STOX2: variants seen among roughly 807,000 people sequenced by gnomAD.
STOX2 encodes storkhead box 2, also known as storkhead-box protein 2.
STOX2 carries 28 observed loss-of-function variants against 60.9 expected under a neutral mutation model. That is an observed-to-expected ratio of 0.46 (90% CI 0.34 to 0.63). The LOEUF is 0.63. Among genes scored for constraint, STOX2 ranks in the 30% least tolerant of loss-of-function variants. The pLI, the probability that STOX2 is intolerant of heterozygous loss-of-function variation, is 0.01. For missense variants in STOX2, 1,024 were observed against 1,187.7 expected, an observed-to-expected ratio of 0.86 and a Z score of 2.03; for synonymous variants, 472 against 463.9, an observed-to-expected ratio of 1.02 and a Z score of -0.22.
chr4:183,866,981 G>T (rs550114808), intron 1 of STOX2, among the ~76,000 whole-genome samples: 1 of 152,192 alleles, frequency 6.6e-6, no homozygotes, highest in South Asian at 2.1e-4. Flanking sequence ...TTGATACTCC[G>T]TGATACAAAT....
chr4:183,999,124 T>A (rs1302003363), intron 1 of STOX2, among the ~76,000 whole-genome samples: 1 of 152,088 alleles, frequency 6.6e-6, no homozygotes, highest in Non-Finnish European at 1.5e-5. Context: ...AAAAAGGATA[T>A]GACAAATCTT....
At chr4:183,889,359 A>G (rs1477710460) in intron 1 of STOX2, among the ~76,000 whole-genome samples, 1 of 152,144 alleles carries the variant, frequency 6.6e-6, no homozygotes, top group Non-Finnish European at 1.5e-5. Flanking sequence ...AAGGAATGCC[A>G]GAGGTCACCA....
intron 1 of STOX2, among the ~76,000 whole-genome samples, chr4:183,871,730 C>G (rs193192242): frequency 1.3e-5 from 2 of 152,104 alleles, no homozygotes; most frequent in East Asian, 3.9e-4. Flanking sequence ...CTTGTAACTA[C>G]CACCTCAGGC....
At chr4:183,901,220 C>T (rs1741451904), upstream of STOX2, among the ~76,000 whole-genome samples, 1 of 152,154 alleles carries the variant, frequency 6.6e-6, no homozygotes, top group African/African-American at 2.4e-5. Context: ...AGGTTCATCC[C>T]TGTTGTAGCA....
chr4:183,808,854 A>G (rs1738970626), intron 1 of STOX2, among the ~76,000 whole-genome samples: 1 of 152,170 alleles, frequency 6.6e-6, no homozygotes, highest in African/African-American at 2.4e-5. Flanking sequence ...GTCTTGGGCT[A>G]CACATAAAAT....
chr4:183,862,673 G>A (rs1560851976), intron 1 of STOX2, among the ~76,000 whole-genome samples: 1 of 152,332 alleles, frequency 6.6e-6, no homozygotes, highest in South Asian at 2.1e-4. Flanking sequence ...TGCGAGAGTC[G>A]GCAGGGTTTA....
chr4:183,814,640 C>A (rs953877174), intron 1 of STOX2, among the ~76,000 whole-genome samples: 1 of 152,208 alleles, frequency 6.6e-6, no homozygotes, highest in Admixed American at 6.5e-5. Context: ...CAAATACATG[C>A]CCCGTGGCCC....
chr4:183,950,854 A>T (rs1217433343), intron 1 of STOX2, among the ~76,000 whole-genome samples: 1 of 152,108 alleles, frequency 6.6e-6, no homozygotes, highest in African/African-American at 2.4e-5. Context: ...GGAGTTAGGG[A>T]TGTTCACTGG....
intron 1 of STOX2, among the ~76,000 whole-genome samples, chr4:183,815,952 T>A (rs866877503): frequency 1.3e-5 from 2 of 152,198 alleles, no homozygotes; most frequent in Admixed American, 6.5e-5. Context: ...TGATAAAAAA[T>A]CTTGCATACG....
At chr4:183,862,900 A>T (rs920362910) in intron 1 of STOX2, among the ~76,000 whole-genome samples, 2 of 152,120 alleles carry the variant, frequency 1.3e-5, no homozygotes, top group Non-Finnish European at 2.9e-5. Context: ...CCTACAAGGA[A>T]GGCGTGGTTA....
rs1734177258 is a variant in STOX2 at position 184,011,578 on chromosome 4, C to CTT, written c.2585+159_2585+160dup. ...ATTGTTAACAATCTGTTTCTGACTT[C>CTT]TTTTTCAGGAATTGAAAAAAATGTT... On this transcript the variant is annotated intron_variant, in intron 3 of 3. Coordinates refer to ENST00000308497, the MANE Select transcript of STOX2 (RefSeq NM_020225.3). This position sits in a 1 kb window ranked among gnomAD's most constrained non-coding sequence, Gnocchi z 4.4. 1 of 1,539,512 alleles carries CTT rather than the reference C, an allele frequency of 6.5e-7. No homozygotes were observed. The highest frequency in any genetic ancestry group is 1.4e-5 in the African/African-American group (1 of 73,070).
chr4:183,911,044 C>T (rs576790293), intron 1 of STOX2, among the ~76,000 whole-genome samples: 28 of 152,278 alleles, frequency 1.8e-4, no homozygotes, highest in African/African-American at 6.5e-4. Context: ...TATGACCTCC[C>T]TCCATCTGTA....
chr4:183,928,756 G>C (rs538129383), intron 1 of STOX2, among the ~76,000 whole-genome samples: 2 of 150,026 alleles, frequency 1.3e-5, no homozygotes, highest in African/African-American at 4.9e-5. Context: ...AGTGAGCCGA[G>C]ATCACACCAC....
In STOX2 at chr4:183,914,840, A is replaced by G. The variant is rs535006175; in HGVS notation, c.166+7884A>G. On this transcript the variant is annotated intron_variant, in intron 1 of 3. Coordinates refer to ENST00000308497, the MANE Select transcript of STOX2 (RefSeq NM_020225.3). ...TGTCCGCTTTCCTGTTCCTGAAAGTAAAGTGCCCTTTAATTCTTGGATTTG... is the reference window on the plus strand; with the variant it reads ...TGTCCGCTTTCCTGTTCCTGAAAGTGAAGTGCCCTTTAATTCTTGGATTTG... Among the ~76,000 whole-genome samples the G allele has an allele frequency of 2.0e-5, 3 of 152,304 alleles. No individual in the cohort carries two copies. In the South Asian group the frequency reaches 6.2e-4, roughly 32 times the overall value.
intron 1 of STOX2, among the ~76,000 whole-genome samples, chr4:183,933,837 G>A (rs1392471330): frequency 6.6e-6 from 1 of 152,120 alleles, no homozygotes; most frequent in Non-Finnish European, 1.5e-5. Context: ...CCCTGCAAAA[G>A]TATTTAAGAT....
chr4:183,954,954 G>T (rs900105101), intron 1 of STOX2, among the ~76,000 whole-genome samples: 1 of 152,162 alleles, frequency 6.6e-6, no homozygotes, highest in African/African-American at 2.4e-5. Context: ...GGCCAGACTG[G>T]CCTCCCAAAG....
chr4:183,875,807 G>A (rs1297702765), intron 1 of STOX2, among the ~76,000 whole-genome samples: 1 of 152,154 alleles, frequency 6.6e-6, no homozygotes. Flanking sequence ...AGCCTTGACC[G>A]CCCAGGCTCA....
rs1257007702 is a variant in STOX2, at chr4:183,905,915, A to G, written c.-876A>G. 1 of 152,174 alleles carries G rather than the reference A, an allele frequency of 6.6e-6. No homozygotes were observed. The highest frequency in any genetic ancestry group is 1.5e-5 in the Non-Finnish European group (1 of 68,044). The allele number at this position is 152,174 out of a possible 1,614,324, so 9.4% of individuals were successfully genotyped here. ...CCTCGGCCAGTAAGTAGGAGCATGC[A>G]TGTGTAGGGGGCACATGCGTGTCGG... is the stretch of plus-strand genomic sequence containing the variant. On this transcript the variant is annotated 5_prime_UTR_variant, in exon 1 of 4. It removes an upstream start codon present in the reference 5' UTR. Transcript: ENST00000308497.
At chr4:183,832,486 C>CTTTTTT (rs57764548) in intron 1 of STOX2, among the ~76,000 whole-genome samples, 1 of 74,048 alleles carries the variant, frequency 1.4e-5, no homozygotes, top group Non-Finnish European at 2.5e-5. Context: ...ATAACCGACT[C>CTTTTTT]TTTTTTTTTT....
Sources: allele counts gnomAD v4.1 joint callset (sites outside exome capture counted in the v4.1 genomes callset), GRCh38; gene constraint gnomAD v4.1.1; non-coding constraint Gnocchi (gnomAD v3.1); transcripts MANE v1.5; gene names NCBI Gene and HGNC (gene_info 2026-07-23, HGNC 2026-07-21).